NTN3: variants seen among roughly 807,000 people sequenced by gnomAD.
The protein encoded by NTN3 is netrin 3.
Under a neutral mutation model 37.2 loss-of-function variants are expected in NTN3, and 44 were observed. That is an observed-to-expected ratio of 1.18 (90% CI 0.93 to 1.52). The LOEUF (loss-of-function observed/expected upper bound fraction) is 1.52. Ranked by LOEUF, NTN3 falls within the 40% of genes most tolerant of loss-of-function variation. The probability of loss-of-function intolerance (pLI) is 0.00; values close to 1 mark genes in which losing one functional copy is unlikely to be tolerated. For synonymous variants in NTN3, 385 were observed against 376.0 expected (o/e 1.02, Z -0.28); for missense variants, 882 against 857.3 (o/e 1.03, Z -0.36).
In NTN3 at chr16:2,472,451, G is replaced by C. The variant is rs779248113; in HGVS notation, c.750G>C (p.Gln250His). The stretch of plus-strand genomic sequence containing the variant: ...ACTCCTACGCAGCCACCGACCTCCA[G>C]GTGGGCGGGCGCTGCAAGTGCAATG... The part of the protein sequence containing the change: ...VPYSYAATDL[Q>H]VGGRCKCNGH... Residue 250 changes from glutamine (Q) to histidine (H), a missense_variant, in exon 1 of 6, where the codon CAG (glutamine) becomes CAC (histidine). Transcript: ENST00000293973. 1.9e-6 allele frequency: 3 copies of C among 1,596,544 alleles called. No homozygotes were observed. Among genetic ancestry groups the C allele is most frequent in the Non-Finnish European group, 2.6e-6 (3 of 1,164,632 alleles).
At position 2,472,840 on chromosome 16, in the gene NTN3, C is replaced by T. The variant is rs1273899098; in HGVS notation, c.1068C>T (p.Gly356=). 2 of 1,608,452 alleles carry T rather than the reference C, an allele frequency of 1.2e-6. No individual in the cohort carries two copies. The highest frequency in any genetic ancestry group is 1.3e-5 in the African/African-American group (1 of 74,816). Residue 356 remains glycine (G), a synonymous_variant, in exon 2 of 6, where the codon GGC becomes GGT. Coordinates refer to ENST00000293973, the MANE Select transcript of NTN3 (RefSeq NM_006181.3). ...AGRHCHYCRE[G]FYRDPGRALS... Reference sequence around the variant, plus strand: ...GCCACTGCCACTACTGCCGGGAGGGCTTCTATCGAGACCCTGGCCGTGCCC... The same window carrying T: ...GCCACTGCCACTACTGCCGGGAGGGTTTCTATCGAGACCCTGGCCGTGCCC...
In NTN3 at chr16:2,472,252, A is replaced by C; in HGVS notation, c.551A>C (p.Gln184Pro). 6.2e-7 allele frequency: 1 copy of C among 1,609,916 alleles called. No homozygotes were observed. The highest frequency in any genetic ancestry group is 8.5e-7 in the Non-Finnish European group (1 of 1,178,794). The change falls in exon 1 of 6, where the codon CAG (glutamine) becomes CCG (proline). Residue 184 changes from glutamine (Q) to proline (P), a missense_variant. Transcript: ENST00000293973. ...EALCFPAPLA[Q>P]PDGSGLLAFS... The stretch of plus-strand genomic sequence containing the variant: ...CTGTGCTTCCCCGCACCCCTGGCCC[A>C]GCCTGATGGCAGCGGCCTTCTGGCC...
intron 5 of NTN3, 29 bp from the exon 6 acceptor site, chr16:2,473,727 G>T: frequency 7.0e-7 from 1 of 1,423,608 alleles, no homozygotes; most frequent in Non-Finnish European, 9.1e-7. Context: ...GCCCCTTCCT[G>T]ACCCCGCCCC....
rs952223700 is a variant in NTN3 at position 2,473,044 on chromosome 16, T to A, written c.1177T>A (p.Cys393Ser). The A allele has an allele frequency of 1.2e-6, 2 of 1,611,350 alleles. No individual in the cohort carries two copies. The highest frequency in any genetic ancestry group is 2.7e-5 in the African/African-American group (2 of 74,910). The change falls in exon 3 of 6, where the codon TGT (cysteine) becomes AGT (serine). Residue 393 changes from cysteine (C) to serine (S), a missense_variant. Coordinates refer to ENST00000293973, the MANE Select transcript of NTN3 (RefSeq NM_006181.3). ...GACCTGCAACCAGACCACAGGCCAG[T>A]GTCCCTGCAAGGATGGCGTCACTGG... is the stretch of plus-strand genomic sequence containing the variant. The part of the protein sequence containing the change: ...GKTCNQTTGQ[C>S]PCKDGVTGLT...
rs770864762 is a variant in NTN3, at chr16:2,472,771, C to T, written c.999C>T (p.Arg333=). 2 of 1,608,292 alleles carry T rather than the reference C, an allele frequency of 1.2e-6. No homozygotes were observed. The highest frequency in any genetic ancestry group is 1.7e-6 in the Non-Finnish European group (2 of 1,179,594). ...NMELYRLSGR[R]SGGVCLNCRH... Reference sequence around the variant, plus strand: ...AGCTGTACCGACTGTCCGGCCGCCGCAGCGGGGGTGTCTGTCTCAACTGCC... The same window carrying T: ...AGCTGTACCGACTGTCCGGCCGCCGTAGCGGGGGTGTCTGTCTCAACTGCC... The change falls in exon 2 of 6, where the codon CGC becomes CGT. Residue 333 remains arginine, a synonymous_variant. Coordinates refer to ENST00000293973, the MANE Select transcript of NTN3 (RefSeq NM_006181.3).
rs2065540667 is a variant in NTN3, at chr16:2,473,949, G to T, written c.1587G>T (p.Gly529=). Residue 529 remains glycine (G), a synonymous_variant, in exon 6 of 6, where the codon GGG becomes GGT. Coordinates refer to ENST00000293973, the MANE Select transcript of NTN3 (RefSeq NM_006181.3). ...LLPGRRYLLL[G]GGPGAAAGGA... ...CCGGCCGCCGCTACCTCCTGCTGGG[G>T]GGCGGGCCTGGAGCCGCGGCTGGGG... The T allele has an allele frequency of 1.7e-6, 2 of 1,172,482 alleles. No homozygotes were observed. Among genetic ancestry groups the T allele is most frequent in the Non-Finnish European group, 2.1e-6 (2 of 950,528 alleles). The allele number at this position is 1,172,482 out of a possible 1,614,324, so 72.6% of individuals were successfully genotyped here.
Position 2,474,121 on chromosome 16 carries a change from A to G in NTN3, c.*16A>G. On this transcript the variant is annotated 3_prime_UTR_variant, in exon 6 of 6. Transcript: ENST00000293973. ...CGCCGCCTGAGCCCGCCGGCTGGGC[A>G]GGGCGGCCGCTGCTCCCACATCTAG... 1 of 1,138,908 alleles carries G rather than the reference A, an allele frequency of 8.8e-7. No homozygotes were observed. Among genetic ancestry groups the G allele is most frequent in the Non-Finnish European group, 1.1e-6 (1 of 929,866 alleles). 70.6% of individuals were successfully genotyped at this position (1,138,908 alleles called of 1,614,324 possible).
chr16:2,473,216 T>C (rs1596947131), intron 3 of NTN3, 52 bp from the exon 4 acceptor site: 2 of 1,605,938 alleles, frequency 1.2e-6, no homozygotes, highest in East Asian at 4.5e-5. Flanking sequence ...CCCCGAGCCC[T>C]GCAGATCTCT....
Position 2,472,119 on chromosome 16 carries a change from C to T in NTN3, c.418C>T (p.His140Tyr), listed in dbSNP as rs551933701. The change falls in exon 1 of 6, where the codon CAT becomes TAT. Residue 140 changes from histidine to tyrosine, a missense_variant. Transcript: ENST00000293973. ...ASVALLKSQD[H>Y]GRSWAPLGFF... is the part of the protein sequence containing the mutation. Reference sequence around the variant, plus strand: ...CGTGGCCCTGCTCAAGTCTCAGGACCATGGCCGCAGCTGGGCCCCGCTGGG... The same window carrying T: ...CGTGGCCCTGCTCAAGTCTCAGGACTATGGCCGCAGCTGGGCCCCGCTGGG... 1.7e-5 allele frequency: 28 copies of T among 1,608,314 alleles called. No individual in the cohort carries two copies. In the East Asian group the frequency reaches 5.8e-4, roughly 33 times the overall value.
chr16:2,472,606 C>T lies in NTN3; in HGVS notation c.905C>T (p.Ala302Val), dbSNP rs950826570. The T allele has an allele frequency of 5.0e-6, 8 of 1,595,110 alleles. No homozygotes were observed. The South Asian group carries it at 5.5e-5, about 11-fold the overall frequency. ...YCDRPWQRAT[A>V]RESHACLACS... is the part of the protein sequence containing the mutation. ...GACAGGCCATGGCAGCGGGCCACTG[C>T]CCGGGAATCCCACGCCTGCCTCGGT... Residue 302 changes from alanine (A) to valine (V), a missense_variant, in exon 1 of 6, where the codon GCC becomes GTC. By Grantham distance (64) the Ala-to-Val change is moderately conservative (BLOSUM62 0). Coordinates refer to ENST00000293973, the MANE Select transcript of NTN3 (RefSeq NM_006181.3).
chr16:2,473,568 G>A (rs377327586), intron 5 of NTN3, 65 bp downstream of exon 5: 2 of 1,503,400 alleles, frequency 1.3e-6, no homozygotes, highest in African/African-American at 1.4e-5. Flanking sequence ...TCCCTCCTCC[G>A]CCAGCTTCCC....
At position 2,473,981 on chromosome 16, in the gene NTN3, G is replaced by A. The variant is rs984732305; in HGVS notation, c.1619G>A (p.Gly540Glu). Residue 540 changes from glycine to glutamate, a missense_variant, in exon 6 of 6, where the codon GGG becomes GAG. Physicochemically the swap from Gly to Glu is moderately conservative, Grantham distance 98. Coordinates refer to ENST00000293973, the MANE Select transcript of NTN3 (RefSeq NM_006181.3). ...CCTGGAGCCGCGGCTGGGGGCGCGG[G>A]GGGCCGGGGGCCCGGGCTCATCGCC... ...GGPGAAAGGA[G>E]GRGPGLIAAR... 4 of 1,166,412 alleles carry A rather than the reference G, an allele frequency of 3.4e-6. No individual in the cohort carries two copies. The African/African-American group carries it at 4.9e-5, about 14-fold the overall frequency. The allele number at this position is 1,166,412 out of a possible 1,614,324, so 72.3% of individuals were successfully genotyped here. A position where few individuals can be genotyped will look rare whatever the true frequency, so the allele number is the denominator to read the frequency against.
rs374928483 is a variant in NTN3, at chr16:2,473,333, G to A, written c.1318+15G>A. Reference sequence around the variant, plus strand: ...GCAGCCCCAGGGTGAGTGGACACAGGACAGGGCCCCAGACTGGCATGACTT... The same window carrying A: ...GCAGCCCCAGGGTGAGTGGACACAGAACAGGGCCCCAGACTGGCATGACTT... On this transcript the variant is annotated intron_variant, in intron 4 of 5. Coordinates refer to ENST00000293973, the MANE Select transcript of NTN3 (RefSeq NM_006181.3). 67 of 1,612,788 alleles carry A rather than the reference G, an allele frequency of 4.2e-5. No homozygotes were observed. The African/African-American group carries it at 6.9e-4, about 17-fold the overall frequency.
In NTN3 at chr16:2,472,643, G is replaced by T. The variant is rs774754314; in HGVS notation, c.928+14G>T. 9 of 1,599,316 alleles carry T rather than the reference G, an allele frequency of 5.6e-6. No homozygotes were observed. The African/African-American group carries it at 1.1e-4, about 19-fold the overall frequency. The stretch of plus-strand genomic sequence containing the variant: ...ACGCCTGCCTCGGTGAGGCCTTGGA[G>T]GGTGGCCTGGGGACCTTGGACACAA... On this transcript the variant is annotated intron_variant, in intron 1 of 5. Coordinates refer to ENST00000293973, the MANE Select transcript of NTN3 (RefSeq NM_006181.3).
At position 2,472,488 on chromosome 16, in the gene NTN3, C is replaced by G; in HGVS notation, c.787C>G (p.Arg263Gly). The change falls in exon 1 of 6, where the codon CGG becomes GGG. Residue 263 changes from arginine (R) to glycine (G), a missense_variant. Coordinates refer to ENST00000293973, the MANE Select transcript of NTN3 (RefSeq NM_006181.3). ...GRCKCNGHAS[R>G]CLLDTQGHLI... ...CTGCAAGTGCAATGGACATGCCTCA[C>G]GGTGCCTGCTGGACACACAGGGCCA... is the stretch of plus-strand genomic sequence containing the variant. The G allele has an allele frequency of 1.3e-6, 2 of 1,595,360 alleles. No homozygotes were observed. The highest frequency in any genetic ancestry group is 2.7e-5 in the African/African-American group (2 of 74,904).
At chr16:2,473,619 C>G (rs1432480516) in intron 5 of NTN3, 116 bp downstream of exon 5, 1 of 1,285,318 alleles carries the variant, frequency 7.8e-7, no homozygotes, top group South Asian at 1.3e-5. Context: ...AAGGCCCATC[C>G]TCATCCCTCA....
chr16:2,472,821 G>A lies in NTN3; in HGVS notation c.1049G>A (p.Cys350Tyr). The change falls in exon 2 of 6, where the codon TGC becomes TAC. Residue 350 changes from cysteine (C) to tyrosine (Y), a missense_variant. Physicochemically the swap from Cys to Tyr is radical, Grantham distance 194. Transcript: ENST00000293973. ...NCRHNTAGRH[C>Y]HYCREGFYRD... ...CGGCACAACACCGCCGGCCGCCACTGCCACTACTGCCGGGAGGGCTTCTAT... is the reference window on the plus strand; with the variant it reads ...CGGCACAACACCGCCGGCCGCCACTACCACTACTGCCGGGAGGGCTTCTAT... The A allele has an allele frequency of 6.2e-7, 1 of 1,609,922 alleles. No individual in the cohort carries two copies. Among genetic ancestry groups the A allele is most frequent in the South Asian group, 1.1e-5 (1 of 91,038 alleles).
Position 2,472,355 on chromosome 16 carries a change from C to A in NTN3, c.654C>A (p.Thr218=). 1 of 1,612,080 alleles carries A rather than the reference C, an allele frequency of 6.2e-7. No homozygotes were observed. The highest frequency in any genetic ancestry group is 1.1e-5 in the South Asian group (1 of 91,060). ...SPVLQDWVTA[T]DVRVVLTRPS... Reference sequence around the variant, plus strand: ...TGCTCCAAGACTGGGTGACCGCCACCGACGTCCGTGTAGTGCTCACAAGGC... The same window carrying A: ...TGCTCCAAGACTGGGTGACCGCCACAGACGTCCGTGTAGTGCTCACAAGGC... Residue 218 remains threonine (T), a synonymous_variant, in exon 1 of 6, where the codon ACC becomes ACA. Coordinates refer to ENST00000293973, the MANE Select transcript of NTN3 (RefSeq NM_006181.3).
At chr16:2,473,227 C>A in intron 3 of NTN3, 41 bp from the exon 4 acceptor site, 3 of 1,608,498 alleles carry the variant, frequency 1.9e-6, no homozygotes, top group Non-Finnish European at 2.5e-6. Context: ...GCAGATCTCT[C>A]TGCCCCTCCA....
Sources: gnomAD v4.1 joint callset for allele counts on GRCh38, gnomAD v4.1.1 for gene constraint, MANE v1.5 for transcripts, NCBI Gene and HGNC (gene_info 2026-07-23, HGNC 2026-07-21) for gene names.